Variants in TENT4A observed in about 807,000 individuals in gnomAD.
The protein encoded by TENT4A is terminal nucleotidyltransferase 4A, also known as DNA polymerase kappa.
TENT4A carries 7 observed loss-of-function variants against 72.8 expected under a neutral mutation model. The ratio of observed to expected loss-of-function variants is 0.10; its 90% confidence interval spans 0.05 to 0.18. TENT4A has a LOEUF of 0.18. TENT4A is among the 10% of genes least tolerant of loss of function. The probability of loss-of-function intolerance (pLI) is 1.00; values close to 1 mark genes in which losing one functional copy is unlikely to be tolerated. For missense variants in TENT4A, 831 were observed against 1,017.7 expected (o/e 0.82, Z 2.50); for synonymous variants, 456 against 434.3 (o/e 1.05, Z -0.62).
chr5:6,753,649 C>A (rs1290148646), intron 12 of TENT4A, among the ~76,000 whole-genome samples: 1 of 152,246 alleles, frequency 6.6e-6, no homozygotes, highest in African/African-American at 2.4e-5. Context: ...GGTCAGCCCC[C>A]GTCGTGTGTG....
At position 6,727,308 on chromosome 5, in the gene TENT4A, C is replaced by T. The variant is rs111805221; in HGVS notation, c.717-10202C>T. 7.1e-3 allele frequency among the ~76,000 whole-genome samples: 1,077 copies of T among 152,336 alleles called. 4 individuals carry two copies. Among genetic ancestry groups the T allele is most frequent in the Non-Finnish European group, 0.01 (696 of 68,038 alleles). On this transcript the variant is annotated intron_variant, in intron 1 of 12. Coordinates refer to ENST00000230859, the MANE Select transcript of TENT4A (RefSeq NM_006999.6). ...CCCACCTTGCCCCTGGGACCTTCTC[C>T]CCTTCCAGGCTGCATGCAGGCCGAG... is the stretch of plus-strand genomic sequence containing the variant.
At chr5:6,719,307 C>T (rs931950475) in intron 1 of TENT4A, among the ~76,000 whole-genome samples, 2 of 151,956 alleles carry the variant, frequency 1.3e-5, no homozygotes, top group South Asian at 2.1e-4. Flanking sequence ...CTTTTTATGC[C>T]TCAGTTAGGT....
intron 1 of TENT4A, among the ~76,000 whole-genome samples, chr5:6,720,608 G>A (rs1026701448): frequency 5.9e-5 from 9 of 151,882 alleles, no homozygotes; most frequent in African/African-American, 1.9e-4. Flanking sequence ...CTGGAGAGTT[G>A]GAGGTTGCAG....
chr5:6,714,603 G>A lies in TENT4A; in HGVS notation c.620G>A (p.Arg207His), dbSNP rs1740263520. The A allele has an allele frequency of 3.1e-5, 37 of 1,198,230 alleles. No homozygotes were observed. Among genetic ancestry groups the A allele is most frequent in the Non-Finnish European group, 3.8e-5 (37 of 966,270 alleles). The allele number at this position is 1,198,230 out of a possible 1,614,324, so 74.2% of individuals were successfully genotyped here. ...CTCAACTACCTGCTGTCCGGCAGCC[G>A]CGCGGCCGCTCTCAGCGGAGGGGGC... ...YGLNYLLSGSRAAALSGGGGP... is the reference protein window; with the variant it reads ...YGLNYLLSGSHAAALSGGGGP... Residue 207 changes from arginine (R) to histidine (H), a missense_variant, in exon 1 of 13, where the codon CGC becomes CAC. Transcript: ENST00000230859.
chr5:6,714,382 C>T lies in TENT4A; in HGVS notation c.399C>T (p.Ser133=), dbSNP rs1447077435. ...TESPGCSSSS[S]SSASLGRPGG... is the part of the protein sequence containing the mutation. The stretch of plus-strand genomic sequence containing the variant: ...GCCCCGGCTGCTCGTCGTCGTCCTC[C>T]AGCAGCGCCTCGCTGGGCCGGCCGG... The change falls in exon 1 of 13, where the codon TCC becomes TCT. Residue 133 remains serine (S), a synonymous_variant. Coordinates refer to ENST00000230859, the MANE Select transcript of TENT4A (RefSeq NM_006999.6). 10 of 1,135,426 alleles carry T rather than the reference C, an allele frequency of 8.8e-6. No homozygotes were observed. The East Asian group carries it at 1.8e-4, about 20-fold the overall frequency. 70.3% of individuals were successfully genotyped at this position (1,135,426 alleles called of 1,614,324 possible).
chr5:6,715,743 G>A (rs767440337), intron 1 of TENT4A, among the ~76,000 whole-genome samples: 1 of 152,220 alleles, frequency 6.6e-6, no homozygotes, highest in Non-Finnish European at 1.5e-5. Flanking sequence ...TGGGAAACAC[G>A]AGTTGATACT....
chr5:6,743,923 C>T (rs1454780453), intron 6 of TENT4A, 83 bp downstream of exon 6: 1 of 1,263,900 alleles, frequency 7.9e-7, no homozygotes, highest in African/African-American at 1.5e-5. Flanking sequence ...TGGGTTCCAG[C>T]AGCCTTTGCT....
Position 6,751,200 on chromosome 5 carries a change from A to G in TENT4A, c.2019+3A>G. On this transcript the variant is annotated splice_donor_region_variant and intron_variant, in intron 11 of 12. Coordinates refer to ENST00000230859, the MANE Select transcript of TENT4A (RefSeq NM_006999.6). ...TGATCATGACAACCAACAATCAGGT[A>G]CGTGGCCCTCTGGCACCCTTCCCGC... The G allele has an allele frequency of 6.2e-7, 1 of 1,614,244 alleles. No homozygotes were observed. Among genetic ancestry groups the G allele is most frequent in the Non-Finnish European group, 8.5e-7 (1 of 1,180,038 alleles).
Position 6,738,701 on chromosome 5 carries a change from T to C in TENT4A, c.859T>C (p.Phe287Leu). Reference protein sequence around the residue: ...PTADVQIFGSFSTGLYLPTSD... With the variant: ...PTADVQIFGSLSTGLYLPTSD... ...CTTTCAGGTACAGATATTTGGCAGCTTTAGTACAGGTCTTTATCTTCCAAC... is the reference window on the plus strand; with the variant it reads ...CTTTCAGGTACAGATATTTGGCAGCCTTAGTACAGGTCTTTATCTTCCAAC... The change falls in exon 3 of 13, where the codon TTT becomes CTT. Residue 287 changes from phenylalanine (F) to leucine (L), a missense_variant. This residue lies in a region of TENT4A where 197 missense variants were observed against 399.6 expected (regional missense o/e 0.49). Coordinates refer to ENST00000230859, the MANE Select transcript of TENT4A (RefSeq NM_006999.6). 1 of 1,613,496 alleles carries C rather than the reference T, an allele frequency of 6.2e-7. No individual in the cohort carries two copies. Among genetic ancestry groups the C allele is most frequent in the Non-Finnish European group, 8.5e-7 (1 of 1,179,410 alleles).
intron 11 of TENT4A, among the ~76,000 whole-genome samples, chr5:6,752,418 G>T (rs1261941366): frequency 1.3e-5 from 2 of 152,262 alleles, no homozygotes; most frequent in Non-Finnish European, 2.9e-5. Context: ...TTCTGCTGCT[G>T]ACAGTAACGG....
intron 1 of TENT4A, among the ~76,000 whole-genome samples, chr5:6,722,116 T>A (rs1380542646): frequency 6.6e-6 from 1 of 152,176 alleles, no homozygotes; most frequent in Non-Finnish European, 1.5e-5. Flanking sequence ...TCAGCCCATG[T>A]CACACACTCA....
chr5:6,752,917 T>A lies in TENT4A; in HGVS notation c.2064T>A (p.Val688=). ...CACCGACCCTAGGGGTTGCTCCTGT[T>A]CCTTGCAGACAAGCTGGTGTAGAAG... ...IPPPTLGVAP[V]PCRQAGVEGT... is the part of the protein sequence containing the mutation. The change falls in exon 12 of 13, where the codon GTT becomes GTA. Residue 688 remains valine (V), a synonymous_variant. Transcript: ENST00000230859. The A allele has an allele frequency of 6.2e-7, 1 of 1,614,192 alleles. No homozygotes were observed. Among genetic ancestry groups the A allele is most frequent in the Middle Eastern group, 1.6e-4 (1 of 6,062 alleles).
chr5:6,750,476 T>G lies in TENT4A; in HGVS notation c.1833T>G (p.Ser611=). 6.2e-7 allele frequency: 1 copy of G among 1,604,722 alleles called. No homozygotes were observed. The highest frequency in any genetic ancestry group is 8.5e-7 in the Non-Finnish European group (1 of 1,175,998). Residue 611 remains serine, a synonymous_variant, in exon 10 of 13, where the codon TCT becomes TCG. Coordinates refer to ENST00000230859, the MANE Select transcript of TENT4A (RefSeq NM_006999.6). The part of the protein sequence containing the change: ...QLLSSGSSAS[S]VSSLSGSDVD... ...TGTCTTCAGGCTCCTCGGCCTCTTC[T>G]GTGTCTTCACTTTCTGGGAGTGACG...
At chr5:6,737,737 T>C (rs1741577772) in intron 2 of TENT4A, 104 bp downstream of exon 2, 1 of 1,303,508 alleles carries the variant, frequency 7.7e-7, no homozygotes, top group Non-Finnish European at 1.0e-6. Flanking sequence ...CCTTTTCTCG[T>C]TGGCCCGAGG....
chr5:6,743,966 G>A (rs543199198), intron 6 of TENT4A, 126 bp downstream of exon 6: 139 of 829,148 alleles, frequency 1.7e-4, no homozygotes, highest in South Asian at 3.5e-4. Flanking sequence ...ATTTGGTAGA[G>A]GCTGATTTCT....
At chr5:6,748,665 C>T in intron 8 of TENT4A, 75 bp downstream of exon 8, 1 of 1,453,128 alleles carries the variant, frequency 6.9e-7, no homozygotes, top group Non-Finnish European at 9.5e-7. Flanking sequence ...GTGTCATTTA[C>T]CTCCATGAAA....
At chr5:6,721,919 TGAAA>T (rs1740672624) in intron 1 of TENT4A, among the ~76,000 whole-genome samples, 2 of 152,238 alleles carry the variant, frequency 1.3e-5, no homozygotes, top group Non-Finnish European at 2.9e-5. Context: ...TCTTTCCGTT[TGAAA>T]GAGATTTCAG....
intron 10 of TENT4A, chr5:6,750,780 A>C: frequency 1.8e-6 from 1 of 545,032 alleles, no homozygotes; most frequent in Non-Finnish European, 3.2e-6. Context: ...AGTAGTTTTT[A>C]AAAATTTATT....
intron 1 of TENT4A, among the ~76,000 whole-genome samples, chr5:6,718,027 T>C (rs1336849811): frequency 6.6e-6 from 1 of 152,234 alleles, no homozygotes; most frequent in Non-Finnish European, 1.5e-5. Flanking sequence ...ATTCAGAGTT[T>C]GGCCTTTCGA....
Sources: gnomAD v4.1 joint callset for allele counts (sites outside exome capture counted in the v4.1 genomes callset) on GRCh38, gnomAD v4.1.1 for gene constraint, gnomAD v4.1.1 regional missense constraint, MANE v1.5 for transcripts, NCBI Gene and HGNC (gene_info 2026-07-23, HGNC 2026-07-21) for gene names.